The following CDKL2 variants were observed in gnomAD, a reference collection of about 807,000 sequenced individuals.
CDKL2 encodes cyclin-dependent kinase-like 2.
Under a neutral mutation model 63.9 loss-of-function variants are expected in CDKL2, and 64 were observed. The ratio of observed to expected loss-of-function variants is 1.00; its 90% confidence interval spans 0.82 to 1.23. The LOEUF (loss-of-function observed/expected upper bound fraction) is 1.23, where lower values mean the gene tolerates loss of function less well. Among genes scored for constraint, CDKL2 ranks in the 50% most tolerant of loss-of-function variants. The pLI is 0.00. For synonymous variants in CDKL2, 211 were observed against 229.2 expected (o/e 0.92, Z 0.72); for missense variants, 656 against 668.0 (o/e 0.98, Z 0.20).
chr4:75,626,613 G>A (rs113618143), intron 1 of CDKL2, among the ~76,000 whole-genome samples: 34,916 of 148,068 alleles, frequency 0.24, 4,513 homozygotes, highest in Middle Eastern at 0.38. Flanking sequence ...CTTGCAGTGA[G>A]CCAAGATCAC....
chr4:75,610,615 G>C (rs1167068441), intron 3 of CDKL2, among the ~76,000 whole-genome samples: 1 of 151,774 alleles, frequency 6.6e-6, no homozygotes, highest in Non-Finnish European at 1.5e-5. Context: ...GTACTATTTG[G>C]GTCAAACTTC....
At position 75,581,857 on chromosome 4, in the gene CDKL2, C is replaced by T. The variant is rs1272238441; in HGVS notation, c.1689G>A (p.Leu563=). ...PPLSDDSGAD[L]PQMEHQH ...CTCAGTGCTGGTGTTCCATTTGAGG[C>T]AAATCAGCCCCTGAATCATCTGACA... is the stretch of plus-strand genomic sequence containing the variant. The change falls in exon 13 of 14, where the codon TTG becomes TTA. Residue 563 remains leucine (L), a synonymous_variant. Transcript: ENST00000307465. The T allele has an allele frequency of 6.2e-7, 1 of 1,612,862 alleles. No individual in the cohort carries two copies. Among genetic ancestry groups the T allele is most frequent in the Admixed American group, 1.7e-5 (1 of 59,932 alleles).
chr4:75,587,926 G>A (rs1203816628), intron 12 of CDKL2, among the ~76,000 whole-genome samples: 1 of 138,538 alleles, frequency 7.2e-6, no homozygotes, highest in Non-Finnish European at 1.5e-5. Context: ...AAAAGAAACT[G>A]AAATCAGGCT....
At position 75,603,858 on chromosome 4, in the gene CDKL2, G is replaced by A. The variant is rs200910442; in HGVS notation, c.754C>T (p.Arg252Cys). ...ACCACTTCAGAGAGCTTAGGATAGC[G>A]TCTTTCAAGAGGTTCTCTTTCCTTG... ...EIKEREPLER[R>C]YPKLSEVVID... Residue 252 changes from arginine to cysteine, a missense_variant, in exon 6 of 14, where the codon CGC becomes TGC. Transcript: ENST00000307465. 1.5e-4 allele frequency: 234 copies of A among 1,612,924 alleles called. 2 individuals are homozygous for A. Among genetic ancestry groups the A allele is most frequent in the South Asian group, 1.4e-3 (126 of 90,946 alleles).
chr4:75,596,457 A>G (rs1043402940), intron 9 of CDKL2, 117 bp from the exon 10 acceptor site: 3 of 661,398 alleles, frequency 4.5e-6, no homozygotes, highest in Admixed American at 4.8e-5. Flanking sequence ...TGTAATGTCT[A>G]TTCTCAAATA....
intron 10 of CDKL2, among the ~76,000 whole-genome samples, chr4:75,595,192 GTTTC>G (rs1424017105): frequency 7.0e-6 from 1 of 143,856 alleles, no homozygotes; most frequent in African/African-American, 2.5e-5. Flanking sequence ...AAATAGAATC[GTTTC>G]TTTCTTCTTT....
chr4:75,597,856 T>A (rs992542835), intron 8 of CDKL2, among the ~76,000 whole-genome samples: 1 of 152,248 alleles, frequency 6.6e-6, no homozygotes, highest in African/African-American at 2.4e-5. Context: ...GAATGTGATT[T>A]AAGCACTGTT....
At chr4:75,619,214 T>C (rs1375917021) in intron 2 of CDKL2, among the ~76,000 whole-genome samples, 4 of 152,008 alleles carry the variant, frequency 2.6e-5, no homozygotes, top group Admixed American at 1.3e-4. Context: ...TGAAGGGTAG[T>C]TAATTACTAA....
intron 10 of CDKL2, among the ~76,000 whole-genome samples, chr4:75,593,138 G>C (rs531413242): frequency 6.6e-6 from 1 of 152,184 alleles, no homozygotes; most frequent in Admixed American, 6.5e-5. Context: ...GTGAGCTTTT[G>C]AGTTTCTTTC....
chr4:75,592,376 G>A, intron 10 of CDKL2, 107 bp from the exon 11 acceptor site: 19 of 901,254 alleles, frequency 2.1e-5, no homozygotes, highest in East Asian at 9.1e-5. Flanking sequence ...TGAAATTGAA[G>A]GTCTATAATA....
At chr4:75,594,356 G>A (rs1038543517) in intron 10 of CDKL2, among the ~76,000 whole-genome samples, 2 of 151,970 alleles carry the variant, frequency 1.3e-5, no homozygotes, top group Non-Finnish European at 2.9e-5. Context: ...GTTGAGGCAG[G>A]AGAATCGCTC....
At chr4:75,619,430 A>G (rs774329498) in intron 2 of CDKL2, among the ~76,000 whole-genome samples, 51 of 152,156 alleles carry the variant, frequency 3.4e-4, no homozygotes, top group South Asian at 4.1e-4. Context: ...AAAATTCACC[A>G]GAGCACACAG....
intron 2 of CDKL2, among the ~76,000 whole-genome samples, chr4:75,618,835 A>T (rs530862370): frequency 9.8e-5 from 15 of 152,328 alleles, no homozygotes; most frequent in Admixed American, 9.8e-4. Flanking sequence ...GACCCAAAAA[A>T]CTACATCCTC....
intron 2 of CDKL2, among the ~76,000 whole-genome samples, 189 bp downstream of exon 2, chr4:75,625,632 T>C (rs1730365336): frequency 6.6e-6 from 1 of 152,186 alleles, no homozygotes. Flanking sequence ...TTGGGACTCC[T>C]AACACAGACT....
chr4:75,608,582 A>G (rs1729535285), intron 3 of CDKL2, among the ~76,000 whole-genome samples: 1 of 152,222 alleles, frequency 6.6e-6, no homozygotes, highest in Non-Finnish European at 1.5e-5. Context: ...TAAATCAGAG[A>G]GAAAGACGAG....
intron 9 of CDKL2, 146 bp from the exon 10 acceptor site, chr4:75,596,486 G>A (rs1362062625): frequency 3.1e-5 from 19 of 610,892 alleles, no homozygotes; most frequent in Non-Finnish European, 5.3e-5. Flanking sequence ...ACATAAATCT[G>A]GTGAAACATT....
chr4:75,612,806 T>C (rs942215828), intron 3 of CDKL2, among the ~76,000 whole-genome samples: 1 of 152,178 alleles, frequency 6.6e-6, no homozygotes, highest in Non-Finnish European at 1.5e-5. Flanking sequence ...AAGAGACAGA[T>C]AGTCTCAAAA....
In CDKL2 at chr4:75,616,176, T is replaced by C. The variant is rs564220160; in HGVS notation, c.169-1727A>G. The stretch of plus-strand genomic sequence containing the variant: ...CAATATGGCTAGGCATGGTAGCTTA[T>C]GCCTGTAATCCCAGCGCTTTGGGAG... On this transcript the variant is annotated intron_variant, in intron 2 of 13. Transcript: ENST00000307465. Among the ~76,000 whole-genome samples, 7 of 152,040 alleles carry C rather than the reference T, an allele frequency of 4.6e-5. No homozygotes were observed. In the South Asian group the frequency reaches 1.5e-3, roughly 32 times the overall value.
At chr4:75,602,519 C>CTTTA (rs778309738) in intron 6 of CDKL2, among the ~76,000 whole-genome samples, 28 of 150,300 alleles carry the variant, frequency 1.9e-4, no homozygotes, top group East Asian at 4.0e-4. Flanking sequence ...CTTCTCTATC[C>CTTTA]TTTATTTATT....
Sources: gnomAD v4.1 joint callset for allele counts (sites outside exome capture counted in the v4.1 genomes callset) on GRCh38, gnomAD v4.1.1 for gene constraint, MANE v1.5 for transcripts, NCBI Gene and HGNC (gene_info 2026-07-23, HGNC 2026-07-21) for gene names.